Variants in CFAP69 observed in about 807,000 individuals in gnomAD.
CFAP69 encodes the protein cilia and flagella associated protein 69.
In CFAP69, 92 loss-of-function variants were observed where a neutral mutation model predicts 123.0. The observed-to-expected ratio is 0.75, with a 90% CI of 0.63 to 0.89. The LOEUF (loss-of-function observed/expected upper bound fraction) is 0.89, where lower values mean the gene tolerates loss of function less well. Ranked by LOEUF, CFAP69 falls within the 40% of genes least tolerant of loss-of-function variation. CFAP69 has a pLI of 0.00. For missense variants in CFAP69, 1,067 were observed against 1,096.9 expected (o/e 0.97, Z 0.39); for synonymous variants, 380 against 364.3 (o/e 1.04, Z -0.49).
intron 1 of CFAP69, among the ~76,000 whole-genome samples, chr7:90,253,161 A>G (rs1194309116): frequency 6.6e-6 from 1 of 152,218 alleles, no homozygotes; most frequent in East Asian, 1.9e-4. Context: ...AGAGGATACA[A>G]AGGAAACTGG....
At chr7:90,317,801 T>G in the CFAP69 span, 1 of 152,138 alleles carries the variant, frequency 6.6e-6, no homozygotes, top group Admixed American at 6.5e-5. Context: ...CAGTATTATT[T>G]TAGCCGATTT....
chr7:90,245,414 C>A lies in CFAP69; in HGVS notation c.-11C>A. The A allele has an allele frequency of 6.5e-7, 1 of 1,539,592 alleles. No individual in the cohort carries two copies. Among genetic ancestry groups the A allele is most frequent in the Non-Finnish European group, 8.7e-7 (1 of 1,144,820 alleles). On this transcript the variant is annotated 5_prime_UTR_variant, in exon 1 of 23. Transcript: ENST00000389297. ...AAGATCCCCCCACTCTCCACCCCGC[C>A]GCCACCGGCCATGTGGACAGAGGAA...
At chr7:90,311,195 G>A (rs1794296004), downstream of CFAP69, 1 of 152,048 alleles carries the variant, frequency 6.6e-6, no homozygotes, top group Non-Finnish European at 1.5e-5. Context: ...GCAAATCTGT[G>A]TCCCTGGATG....
chr7:90,300,544 G>A (rs1363734663), intron 17 of CFAP69: 2 of 623,308 alleles, frequency 3.2e-6, no homozygotes, highest in African/African-American at 2.0e-5. Context: ...TAGTCCAAAT[G>A]TTCAAAAATT....
chr7:90,295,937 C>T (rs1280526169), intron 15 of CFAP69, among the ~76,000 whole-genome samples: 1 of 152,158 alleles, frequency 6.6e-6, no homozygotes, highest in Non-Finnish European at 1.5e-5. Flanking sequence ...GACCGGAGGT[C>T]ACTTTTGTCA....
intron 3 of CFAP69, among the ~76,000 whole-genome samples, chr7:90,260,679 G>A (rs1798200242): frequency 1.3e-5 from 2 of 152,110 alleles, no homozygotes; most frequent in South Asian, 4.1e-4. Context: ...ATTTGGACCT[G>A]TTCCATCTTA....
chr7:90,246,058 A>T (rs1796281843), intron 1 of CFAP69, among the ~76,000 whole-genome samples: 1 of 152,222 alleles, frequency 6.6e-6, no homozygotes. Context: ...AAGCATTTTT[A>T]AAATATGAAA....
chr7:90,269,089 A>T (rs562983797), intron 6 of CFAP69, among the ~76,000 whole-genome samples: 5 of 149,504 alleles, frequency 3.3e-5, no homozygotes, highest in South Asian at 2.1e-4. Context: ...AGACAATTTA[A>T]AAAAAAAAAA....
At chr7:90,256,523 TA>T (rs563875319) in intron 2 of CFAP69, among the ~76,000 whole-genome samples, 2,215 of 127,914 alleles carry the variant, frequency 0.017, 23 homozygotes, top group African/African-American at 0.041. Flanking sequence ...ACTTAAAGTA[TA>T]AAAAAAAAAA....
In CFAP69 at chr7:90,273,290, AT is replaced by A. The variant is rs745906560; in HGVS notation, c.861-696del. ...AAGGAACAGGCTACAATGGTGAGAGATGAGGCTAACAATGTTATCAGGGACC... is the reference window on the plus strand; with the variant it reads ...AAGGAACAGGCTACAATGGTGAGAGAGAGGCTAACAATGTTATCAGGGACC... On this transcript the variant is annotated intron_variant, in intron 8 of 22. Coordinates refer to ENST00000389297, the MANE Select transcript of CFAP69 (RefSeq NM_001039706.3). Among the ~76,000 whole-genome samples, 332 of 152,326 alleles carry A rather than the reference AT, an allele frequency of 2.2e-3. 12 individuals are homozygous for A. Among genetic ancestry groups the A allele is most frequent in the Non-Finnish European group, 1.5e-3 (100 of 68,028 alleles).
intron 3 of CFAP69, among the ~76,000 whole-genome samples, 189 bp downstream of exon 3, chr7:90,258,352 T>C (rs534854620): frequency 6.6e-6 from 1 of 152,292 alleles, no homozygotes; most frequent in East Asian, 1.9e-4. Context: ...TGGACTAAAG[T>C]CAAGATGTTG....
At chr7:90,299,798 T>TC in intron 16 of CFAP69, 69 bp from the exon 17 acceptor site, 1 of 1,272,186 alleles carries the variant, frequency 7.9e-7, no homozygotes, top group South Asian at 1.5e-5. Context: ...GTTTCTCTCT[T>TC]TTTTTTTTGA....
chr7:90,319,394 G>T, the CFAP69 span: 5 of 398,392 alleles, frequency 1.3e-5, no homozygotes, highest in African/African-American at 4.1e-5. Context: ...TATTTGGGGG[G>T]CATCACCTGT....
At chr7:90,269,707 G>C (rs1456412474) in intron 6 of CFAP69, among the ~76,000 whole-genome samples, 1 of 152,168 alleles carries the variant, frequency 6.6e-6, no homozygotes, top group Non-Finnish European at 1.5e-5. Context: ...ATTTGAGAGT[G>C]AGAGAGTAGT....
chr7:90,266,499 TA>T lies in CFAP69; in HGVS notation c.433+1123del, dbSNP rs1249350782. Among the ~76,000 whole-genome samples, 71 of 152,188 alleles carry T rather than the reference TA, an allele frequency of 4.7e-4. 1 individual carries two copies. The highest frequency in any genetic ancestry group is 8.8e-5 in the Non-Finnish European group (6 of 68,016). On this transcript the variant is annotated intron_variant, in intron 5 of 22. Coordinates refer to ENST00000389297, the MANE Select transcript of CFAP69 (RefSeq NM_001039706.3). The stretch of plus-strand genomic sequence containing the variant: ...AAAGTGTAGTTTTTGTTGGTAACAT[TA>T]TTTTTTAAAATACCCCTGTTGCCAT...
intron 4 of CFAP69, among the ~76,000 whole-genome samples, chr7:90,262,900 C>T (rs1182332316): frequency 1.3e-5 from 2 of 151,916 alleles, no homozygotes; most frequent in African/African-American, 2.4e-5. Context: ...TTTGTATTTT[C>T]TGATATCTGA....
At chr7:90,272,671 A>G (rs1216613433) in intron 8 of CFAP69, among the ~76,000 whole-genome samples, 1 of 152,132 alleles carries the variant, frequency 6.6e-6, no homozygotes, top group Non-Finnish European at 1.5e-5. Flanking sequence ...TTATTCAGGG[A>G]TCAGCAGATA....
chr7:90,275,445 T>G (rs1247868271), intron 9 of CFAP69, among the ~76,000 whole-genome samples: 2 of 152,140 alleles, frequency 1.3e-5, no homozygotes, highest in Admixed American at 1.3e-4. Flanking sequence ...TCTGGCTCTC[T>G]CCTTTATGGG....
At chr7:90,317,247 G>A in the CFAP69 span, 1 of 152,002 alleles carries the variant, frequency 6.6e-6, no homozygotes, top group Non-Finnish European at 1.5e-5. Flanking sequence ...ATCACTTTTC[G>A]ATTAGAGCTA....
Sources: allele counts gnomAD v4.1 joint callset (sites outside exome capture counted in the v4.1 genomes callset), GRCh38; gene constraint gnomAD v4.1.1; transcripts MANE v1.5; gene names NCBI Gene and HGNC (gene_info 2026-07-23, HGNC 2026-07-21).